The following HCRTR2 variants were observed in gnomAD, a reference collection of about 807,000 sequenced individuals.
HCRTR2 encodes orexin receptor type 2.
Under a neutral mutation model 49.0 loss-of-function variants are expected in HCRTR2, and 22 were observed. The observed-to-expected ratio is 0.45, with a 90% CI of 0.32 to 0.64. HCRTR2 has a LOEUF of 0.64. HCRTR2 is among the 30% of genes least tolerant of loss of function. HCRTR2 has a pLI of 0.04. For synonymous variants in HCRTR2, 236 were observed against 205.3 expected (o/e 1.15, Z -1.28); for missense variants, 491 against 559.4 (o/e 0.88, Z 1.23).
At chr6:55,172,863 C>T (rs1199599628), upstream of HCRTR2, among the ~76,000 whole-genome samples, 1 of 152,080 alleles carries the variant, frequency 6.6e-6, no homozygotes, top group Non-Finnish European at 1.5e-5. Flanking sequence ...CAGTGTAAAC[C>T]ACCAATGTCT....
At chr6:55,128,153 T>G (rs551181425) in intron 1 of HCRTR2, among the ~76,000 whole-genome samples, 1 of 152,320 alleles carries the variant, frequency 6.6e-6, no homozygotes, top group African/African-American at 2.4e-5. Flanking sequence ...TGGCTAGTTA[T>G]CCCAGCACCA....
chr6:55,202,244 T>C (rs1400514091), intron 1 of HCRTR2, among the ~76,000 whole-genome samples: 1 of 152,210 alleles, frequency 6.6e-6, no homozygotes, highest in Non-Finnish European at 1.5e-5. Context: ...ACTTGATGGC[T>C]GCATATATTT....
At chr6:55,175,650 T>C (rs932085208) in intron 1 of HCRTR2, among the ~76,000 whole-genome samples, 3 of 152,114 alleles carry the variant, frequency 2.0e-5, no homozygotes, top group Non-Finnish European at 2.9e-5. Context: ...TCTAGGTCTG[T>C]ATGCAAACAC....
At chr6:55,249,260 G>T (rs768706155) in intron 2 of HCRTR2, among the ~76,000 whole-genome samples, 3 of 152,026 alleles carry the variant, frequency 2.0e-5, no homozygotes, top group Non-Finnish European at 4.4e-5. Flanking sequence ...TTAATGATCT[G>T]CCAGTCCAAG....
At chr6:55,113,234 C>G (rs934369548) in intron 1 of HCRTR2, among the ~76,000 whole-genome samples, 1 of 151,946 alleles carries the variant, frequency 6.6e-6, no homozygotes, top group Admixed American at 6.6e-5. Context: ...GACTTCATGA[C>G]CAAGAACCCC....
upstream of HCRTR2, among the ~76,000 whole-genome samples, chr6:55,171,656 G>C (rs1764951262): frequency 6.6e-6 from 1 of 152,138 alleles, no homozygotes; most frequent in Non-Finnish European, 1.5e-5. Context: ...TAGATAGAAG[G>C]AAATGGAATA....
rs560354240 is a variant in HCRTR2 at position 55,229,498 on chromosome 6, G to A, written c.224-19141G>A. On this transcript the variant is annotated intron_variant, in intron 1 of 6. Coordinates refer to ENST00000370862, the MANE Select transcript of HCRTR2 (RefSeq NM_001384272.1). ...CAAAACAACCTAAATGTCCATCCAT[G>A]GATTAATGGGTAAAGAAAATATGGT... Among the ~76,000 whole-genome samples the A allele has an allele frequency of 9.9e-5, 15 of 152,172 alleles. No individual in the cohort carries two copies. In the South Asian group the frequency reaches 1.0e-3, roughly 11 times the overall value.
intron 5 of HCRTR2, among the ~76,000 whole-genome samples, chr6:55,279,520 A>AACACACACACACACAC (rs34736199): frequency 0.033 from 4,686 of 142,672 alleles, 100 homozygotes; most frequent in South Asian, 0.057. Context: ...TTCTTGCTGT[A>AACACACACACACACAC]ACACACACAC....
intron 1 of HCRTR2, among the ~76,000 whole-genome samples, chr6:55,160,803 C>T (rs1401957518): frequency 6.6e-6 from 1 of 152,130 alleles, no homozygotes; most frequent in Admixed American, 6.5e-5. Context: ...AATATATATG[C>T]ACCCAATTCA....
chr6:55,256,494 A>G (rs1256510953), intron 3 of HCRTR2, among the ~76,000 whole-genome samples: 1 of 152,156 alleles, frequency 6.6e-6, no homozygotes, highest in Non-Finnish European at 1.5e-5. Flanking sequence ...AATATTTAAG[A>G]GAGGCTGGGA....
At chr6:55,125,611 G>A (rs1764262978) in intron 1 of HCRTR2, among the ~76,000 whole-genome samples, 1 of 152,062 alleles carries the variant, frequency 6.6e-6, no homozygotes, top group Non-Finnish European at 1.5e-5. Flanking sequence ...TTTTCTCGAG[G>A]AGTATCTTTG....
chr6:55,120,511 TG>T (rs1224177500), intron 1 of HCRTR2, among the ~76,000 whole-genome samples: 1 of 151,804 alleles, frequency 6.6e-6, no homozygotes, highest in Non-Finnish European at 1.5e-5. Flanking sequence ...TTATTCTCTT[TG>T]TAGCAGTCGT....
chr6:55,254,122 A>G (rs1325916537), intron 2 of HCRTR2, among the ~76,000 whole-genome samples: 2 of 152,190 alleles, frequency 1.3e-5, no homozygotes, highest in African/African-American at 4.8e-5. Flanking sequence ...AAACAGAAGC[A>G]GTCCCTCCTA....
At chr6:55,232,677 A>G (rs970872363) in intron 1 of HCRTR2, among the ~76,000 whole-genome samples, 5 of 152,210 alleles carry the variant, frequency 3.3e-5, no homozygotes, top group Admixed American at 2.6e-4. Context: ...TATTTGGTTG[A>G]AAAATCTATA....
intron 1 of HCRTR2, among the ~76,000 whole-genome samples, chr6:55,228,276 A>G (rs13199574): frequency 0.013 from 2,022 of 152,326 alleles, 16 homozygotes; most frequent in Non-Finnish European, 0.02. Flanking sequence ...GACTTACACA[A>G]CAAAGAATTT....
intron 1 of HCRTR2, among the ~76,000 whole-genome samples, chr6:55,231,672 T>G (rs1418796708): frequency 6.6e-6 from 1 of 152,136 alleles, no homozygotes; most frequent in African/African-American, 2.4e-5. Flanking sequence ...AGAAATTGAC[T>G]TACTTGTTAA....
At chr6:55,224,807 G>A (rs1765970811) in intron 1 of HCRTR2, among the ~76,000 whole-genome samples, 1 of 152,138 alleles carries the variant, frequency 6.6e-6, no homozygotes, top group African/African-American at 2.4e-5. Context: ...TAAAAAAGTT[G>A]ACTTCATGGA....
chr6:55,263,724 A>T lies in HCRTR2; in HGVS notation c.664A>T (p.Met222Leu). The T allele has an allele frequency of 6.2e-7, 1 of 1,606,806 alleles. No homozygotes were observed. Among genetic ancestry groups the T allele is most frequent in the Non-Finnish European group, 8.5e-7 (1 of 1,174,056 alleles). ...ERWGGEIYPKMYHICFFLVTY... is the reference protein window; with the variant it reads ...ERWGGEIYPKLYHICFFLVTY... Reference sequence around the variant, plus strand: ...CATCCTAGGTGAAATTTATCCCAAGATGTACCACATCTGTTTCTTTCTGGT... The same window carrying T: ...CATCCTAGGTGAAATTTATCCCAAGTTGTACCACATCTGTTTCTTTCTGGT... The change falls in exon 4 of 7, where the codon ATG becomes TTG. Residue 222 changes from methionine to leucine, a missense_variant. Met to Leu is a conservative substitution (Grantham distance 15, BLOSUM62 2). Transcript: ENST00000370862.
chr6:55,195,699 T>G (rs1362634216), intron 1 of HCRTR2, among the ~76,000 whole-genome samples: 2 of 151,998 alleles, frequency 1.3e-5, no homozygotes, highest in Non-Finnish European at 2.9e-5. Context: ...TGGCCGGGCG[T>G]GGTGGCTCAC....
Sources: allele counts gnomAD v4.1 joint callset (sites outside exome capture counted in the v4.1 genomes callset), GRCh38; gene constraint gnomAD v4.1.1; transcripts MANE v1.5; gene names NCBI Gene and HGNC (gene_info 2026-07-23, HGNC 2026-07-21).